Variants in FUT8 observed in about 807,000 individuals in gnomAD.
FUT8 encodes fucosyltransferase 8.
A neutral mutation model predicts 71.3 loss-of-function variants in FUT8; 29 were observed. The observed-to-expected ratio is 0.41, with a 90% confidence interval of 0.30 to 0.55. The LOEUF (loss-of-function observed/expected upper bound fraction) is 0.55, where lower values mean the gene tolerates loss of function less well. Among genes scored for constraint, FUT8 ranks in the 20% least tolerant of loss-of-function variants. The pLI is 0.34. For synonymous variants in FUT8, 254 were observed against 239.3 expected, an observed-to-expected ratio of 1.06 and a Z score of -0.57; for missense variants, 544 against 702.1, an observed-to-expected ratio of 0.77 and a Z score of 2.55.
At chr14:65,376,979 A>G in the FUT8 span, among the ~76,000 whole-genome samples, 1 of 152,174 alleles carries the variant, frequency 6.6e-6, no homozygotes, top group East Asian at 1.9e-4. Flanking sequence ...TTTTATGTTC[A>G]TTTTAATTGT....
At chr14:65,533,986 A>C (rs933181157) in intron 2 of FUT8, among the ~76,000 whole-genome samples, 3 of 152,206 alleles carry the variant, frequency 2.0e-5, no homozygotes, top group Admixed American at 6.5e-5. Flanking sequence ...CTACTTGATC[A>C]TGGTGAATTA....
intron 7 of FUT8, among the ~76,000 whole-genome samples, chr14:65,720,784 G>C (rs1382033862): frequency 6.6e-6 from 1 of 152,134 alleles, no homozygotes; most frequent in African/African-American, 2.4e-5. Flanking sequence ...TGAAACTCAG[G>C]CTCCAACCGC....
intron 1 of FUT8, among the ~76,000 whole-genome samples, chr14:65,437,481 A>G (rs2065579311): frequency 1.3e-5 from 2 of 152,144 alleles, no homozygotes. Flanking sequence ...TGGTCTTATC[A>G]CCACTAACAC....
chr14:65,416,687 AT>A (rs1458801773), intron 1 of FUT8, among the ~76,000 whole-genome samples: 7 of 151,916 alleles, frequency 4.6e-5, no homozygotes, highest in Non-Finnish European at 2.9e-5. Context: ...TTTACGACTG[AT>A]TTTTAAAGAA....
In FUT8 at chr14:65,693,527, G is replaced by A. The variant is rs143420679; in HGVS notation, c.835+24047G>A. 5.8e-3 allele frequency among the ~76,000 whole-genome samples: 886 copies of A among 152,278 alleles called. 33 individuals carry two copies. In the East Asian group the frequency reaches 0.093, roughly 16 times the overall value. ...GTGGAAAGAGAGGGAGAGGGAGACC[G>A]TGGGGAGAGGGAGAGAGGGAGGGGG... On this transcript the variant is annotated intron_variant, in intron 7 of 10. Coordinates refer to ENST00000673929, the MANE Select transcript of FUT8 (RefSeq NM_001371533.1).
chr14:65,703,600 G>A lies in FUT8; in HGVS notation c.836-18175G>A, dbSNP rs1894420481. Among the ~76,000 whole-genome samples the A allele has an allele frequency of 2.0e-5, 3 of 152,176 alleles. 1 individual carries two copies. The South Asian group carries it at 6.2e-4, about 31-fold the overall frequency. Reference sequence around the variant, plus strand: ...CAGTGACAGTAGCAGCTGTGGTTTGGCACATAAGACCATACTCCACACCCC... The same window carrying A: ...CAGTGACAGTAGCAGCTGTGGTTTGACACATAAGACCATACTCCACACCCC... On this transcript the variant is annotated intron_variant, in intron 7 of 10. Transcript: ENST00000673929.
chr14:65,715,985 A>C (rs28858508), intron 7 of FUT8, among the ~76,000 whole-genome samples: 5 of 151,922 alleles, frequency 3.3e-5, no homozygotes, highest in African/African-American at 4.8e-5. Context: ...AAAAAAAAAA[A>C]AAAACAACTT....
intron 2 of FUT8, among the ~76,000 whole-genome samples, chr14:65,480,251 C>A (rs1335218031): frequency 6.6e-6 from 1 of 150,536 alleles, no homozygotes; most frequent in Non-Finnish European, 1.5e-5. Flanking sequence ...ATGATAACAT[C>A]CATCTTGGTA....
At chr14:65,595,183 C>G (rs914131736) in intron 3 of FUT8, among the ~76,000 whole-genome samples, 7 of 152,136 alleles carry the variant, frequency 4.6e-5, no homozygotes, top group Non-Finnish European at 7.4e-5. Context: ...TGGCATTTAT[C>G]TGGCACCTTA....
chr14:65,555,915 C>A (rs567536921), intron 2 of FUT8, among the ~76,000 whole-genome samples: 14 of 152,138 alleles, frequency 9.2e-5, no homozygotes, highest in African/African-American at 3.4e-4. Context: ...TGTTAAATCT[C>A]TTATTTGCTG....
intron 7 of FUT8, among the ~76,000 whole-genome samples, chr14:65,717,514 C>T (rs1367496927): frequency 5.8e-5 from 8 of 138,160 alleles, no homozygotes; most frequent in African/African-American, 8.2e-5. Flanking sequence ...TCCTCACCTC[C>T]CAGACGAAGG....
chr14:65,606,073 G>GTT (rs34986420), intron 3 of FUT8, among the ~76,000 whole-genome samples: 12 of 118,168 alleles, frequency 1.0e-4, no homozygotes, highest in South Asian at 2.7e-4. Context: ...AAAATTGTTA[G>GTT]TTTTTTTTTT....
At position 65,629,566 on chromosome 14, in the gene FUT8, A is replaced by T. The variant is rs749503034; in HGVS notation, c.557A>T (p.Asp186Val). Residue 186 changes from aspartate (D) to valine (V), a missense_variant, in exon 6 of 11, where the codon GAT becomes GTT. Transcript: ENST00000673929. ...GATTGGCGGGAAAAAGAGGCCAAAG[A>T]TCTGACAGAACTGGTTCAGCGGAGA... The part of the protein sequence containing the change: ...AGDWREKEAK[D>V]LTELVQRRIT... 3 of 1,613,774 alleles carry T rather than the reference A, an allele frequency of 1.9e-6. No homozygotes were observed. The East Asian group carries it at 6.7e-5, about 36-fold the overall frequency.
intron 6 of FUT8, among the ~76,000 whole-genome samples, chr14:65,641,241 C>G (rs931144777): frequency 6.6e-6 from 1 of 152,094 alleles, no homozygotes; most frequent in African/African-American, 2.4e-5. Flanking sequence ...GTTTGTGTTT[C>G]GTAGAATTGT....
intron 3 of FUT8, among the ~76,000 whole-genome samples, chr14:65,584,335 C>A (rs1887260142): frequency 6.6e-6 from 1 of 152,154 alleles, no homozygotes; most frequent in Admixed American, 6.5e-5. Flanking sequence ...GCCACCACCA[C>A]ACCTAGCTAA....
rs549966810 is a variant in FUT8, at chr14:65,422,783, C to T, written c.-326+9569C>T. Among the ~76,000 whole-genome samples, 3 of 152,158 alleles carry T rather than the reference C, an allele frequency of 2.0e-5. No homozygotes were observed. In the East Asian group the frequency reaches 5.8e-4, roughly 29 times the overall value. On this transcript the variant is annotated intron_variant, in intron 1 of 10. Transcript: ENST00000673929. ...TGGGCCTTCCAGAGTGCTGGGGTTA[C>T]AGGTGTGAGCCATTATGCCTTCCCC...
At position 65,627,824 on chromosome 14, in the gene FUT8, G is replaced by T. The variant is rs565321387; in HGVS notation, c.483-1668G>T. ...TTTTCTATCTATTTAGGAGACTGCC[G>T]TTCCCTGGCACCAGCTGTGACTAGT... is the stretch of plus-strand genomic sequence containing the variant. On this transcript the variant is annotated intron_variant, in intron 5 of 10. Transcript: ENST00000673929. The surrounding 1 kb of genome is among the most constrained non-coding windows in gnomAD (Gnocchi z 4.0). Among the ~76,000 whole-genome samples the T allele has an allele frequency of 6.6e-6, 1 of 152,134 alleles. No homozygotes were observed. The highest frequency in any genetic ancestry group is 2.4e-5 in the African/African-American group (1 of 41,406).
At chr14:65,508,350 G>A (rs1882072794) in intron 2 of FUT8, among the ~76,000 whole-genome samples, 1 of 151,324 alleles carries the variant, frequency 6.6e-6, no homozygotes, top group Non-Finnish European at 1.5e-5. Flanking sequence ...GATTACAGGC[G>A]TGAGCCACTG....
the FUT8 span, among the ~76,000 whole-genome samples, chr14:65,365,973 G>C: frequency 6.6e-6 from 1 of 152,100 alleles, no homozygotes; most frequent in African/African-American, 2.4e-5. Context: ...GAGTAGCTGG[G>C]ACTATAGGCA....
Sources: gnomAD v4.1 joint callset for allele counts (sites outside exome capture counted in the v4.1 genomes callset) on GRCh38, gnomAD v4.1.1 for gene constraint, Gnocchi (gnomAD v3.1) non-coding constraint, MANE v1.5 for transcripts, NCBI Gene and HGNC (gene_info 2026-07-23, HGNC 2026-07-21) for gene names.